The following NBEAL1 variants were observed in gnomAD, a reference collection of about 807,000 sequenced individuals.
The protein encoded by NBEAL1 is neurobeachin like 1.
NBEAL1 carries 273 observed loss-of-function variants against 351.3 expected under a neutral mutation model. The ratio of observed to expected loss-of-function variants is 0.78; its 90% CI spans 0.70 to 0.86. The LOEUF (loss-of-function observed/expected upper bound fraction) is 0.86, where lower values mean the gene tolerates loss of function less well. Among genes scored for constraint, NBEAL1 ranks in the 40% least tolerant of loss-of-function variants. NBEAL1 has a pLI of 0.00. For synonymous variants in NBEAL1, 1,050 were observed against 1,086.4 expected (o/e 0.97, Z 0.66); for missense variants, 2,961 against 3,201.3 (o/e 0.92, Z 1.81).
At chr2:203,057,555 T>C (rs2061424151) in intron 6 of NBEAL1, 102 bp downstream of exon 6, 1 of 912,934 alleles carries the variant, frequency 1.1e-6, no homozygotes, top group South Asian at 1.9e-5. Context: ...GAAAGAAGTA[T>C]ATAAGACCCA....
At chr2:203,186,891 T>A (rs918366627) in intron 44 of NBEAL1, among the ~76,000 whole-genome samples, 1 of 152,218 alleles carries the variant, frequency 6.6e-6, no homozygotes, top group African/African-American at 2.4e-5. Flanking sequence ...CTCTTAAGAT[T>A]CCTAGACACT....
At chr2:203,078,690 T>A (rs1404993018) in intron 8 of NBEAL1, among the ~76,000 whole-genome samples, 1 of 152,208 alleles carries the variant, frequency 6.6e-6, no homozygotes, top group African/African-American at 2.4e-5. Context: ...GGATTATAGT[T>A]CAGAAAGTAC....
At chr2:203,130,761 A>G (rs529234317) in intron 25 of NBEAL1, among the ~76,000 whole-genome samples, 1 of 152,292 alleles carries the variant, frequency 6.6e-6, no homozygotes, top group South Asian at 2.1e-4. Context: ...GCAATTCAGA[A>G]CATTTCAACA....
Position 203,116,007 on chromosome 2 carries a change from G to C in NBEAL1, c.2529G>C (p.Trp843Cys). ...CAGGTCCAAATTGTTTAAGCCCTTG[G>C]AAGTGTCAAGAGTCTGACATGGCCG... ...YLAGPNCLSP[W>C]KCQESDMADL... The change falls in exon 18 of 56, where the codon TGG becomes TGC. Residue 843 changes from tryptophan to cysteine, a missense_variant. Physicochemically the swap from Trp to Cys is radical, Grantham distance 215 (BLOSUM62 -2). Coordinates refer to ENST00000683969, the MANE Select transcript of NBEAL1 (RefSeq NM_001378026.1). 1 of 1,553,138 alleles carries C rather than the reference G, an allele frequency of 6.4e-7. No homozygotes were observed. Among genetic ancestry groups the C allele is most frequent in the Non-Finnish European group, 8.7e-7 (1 of 1,147,186 alleles).
chr2:203,061,963 T>C, intron 6 of NBEAL1: 1 of 284,014 alleles, frequency 3.5e-6, no homozygotes, highest in South Asian at 3.1e-5. Flanking sequence ...ATTAAAGGCT[T>C]TCCCACATTG....
chr2:203,193,982 TTTAA>T, intron 47 of NBEAL1, 71 bp downstream of exon 47: 1 of 804,986 alleles, frequency 1.2e-6, no homozygotes, highest in South Asian at 1.8e-5. Context: ...TCTTTTATTA[TTTAA>T]TGGGAAGTAA....
chr2:203,035,399 A>C (rs774238046), intron 2 of NBEAL1, among the ~76,000 whole-genome samples: 2 of 149,466 alleles, frequency 1.3e-5, no homozygotes, highest in African/African-American at 2.4e-5. Context: ...TGACAGTCCA[A>C]AAAGAAAGAT....
At chr2:203,165,486 A>G (rs914921256) in intron 36 of NBEAL1, among the ~76,000 whole-genome samples, 2 of 152,178 alleles carry the variant, frequency 1.3e-5, no homozygotes, top group Non-Finnish European at 2.9e-5. Flanking sequence ...TTTGTGGGTC[A>G]ATTCATGTCT....
At chr2:203,041,396 A>G (rs550927159) in intron 2 of NBEAL1, among the ~76,000 whole-genome samples, 1 of 152,290 alleles carries the variant, frequency 6.6e-6, no homozygotes, top group African/African-American at 2.4e-5. Flanking sequence ...CTGGGAGAAG[A>G]GTGTTCTGGG....
intron 1 of NBEAL1, among the ~76,000 whole-genome samples, chr2:203,015,424 CGCCCT>C (rs1289046734): frequency 1.3e-5 from 2 of 151,772 alleles, no homozygotes; most frequent in Admixed American, 6.6e-5. Flanking sequence ...CCCGCCCCCA[CGCCCT>C]GCCCTGCAAC....
chr2:203,032,721 A>G (rs113150755), intron 2 of NBEAL1, among the ~76,000 whole-genome samples: 4 of 133,840 alleles, frequency 3.0e-5, no homozygotes, highest in African/African-American at 8.5e-5. Flanking sequence ...CTGGAGTGCA[A>G]TGGTGCCATC....
chr2:203,115,929 A>G (rs2062685448), intron 17 of NBEAL1, 56 bp from the exon 18 acceptor site: 1 of 1,173,830 alleles, frequency 8.5e-7, no homozygotes, highest in Non-Finnish European at 1.2e-6. Flanking sequence ...GATAACACAG[A>G]ACCAAGGAGA....
intron 44 of NBEAL1, among the ~76,000 whole-genome samples, chr2:203,186,030 C>A (rs2064888235): frequency 6.6e-6 from 1 of 152,212 alleles, no homozygotes; most frequent in East Asian, 1.9e-4. Flanking sequence ...TCCCCCACAA[C>A]TCTTATCTCA....
chr2:203,040,295 A>T, intron 2 of NBEAL1: 1 of 770,438 alleles, frequency 1.3e-6, no homozygotes, highest in South Asian at 1.4e-5. Context: ...TGGAGGCAGA[A>T]ATGTGACAAG....
chr2:203,173,734 T>A (rs1332517442), intron 41 of NBEAL1, among the ~76,000 whole-genome samples: 3 of 152,136 alleles, frequency 2.0e-5, no homozygotes, highest in Non-Finnish European at 4.4e-5. Flanking sequence ...GAAACACTCA[T>A]ATAAATAACT....
intron 17 of NBEAL1, among the ~76,000 whole-genome samples, chr2:203,115,406 G>A (rs1413889487): frequency 3.3e-5 from 5 of 152,056 alleles, no homozygotes; most frequent in Admixed American, 2.0e-4. Flanking sequence ...TTACAGGTGT[G>A]AGCCACCATG....
intron 7 of NBEAL1, among the ~76,000 whole-genome samples, chr2:203,072,521 A>G (rs957821266): frequency 1.3e-5 from 2 of 151,908 alleles, no homozygotes; most frequent in Admixed American, 1.3e-4. Flanking sequence ...CTCACATTTT[A>G]ACTATAAGCA....
At chr2:203,158,815 G>GTTTTTTTT (rs71034220) in intron 36 of NBEAL1, among the ~76,000 whole-genome samples, 5 of 84,372 alleles carry the variant, frequency 5.9e-5, no homozygotes, top group Admixed American at 1.8e-4. Context: ...TTTCTGTAGG[G>GTTTTTTTT]TTTTTTTTTT....
intron 2 of NBEAL1, among the ~76,000 whole-genome samples, chr2:203,024,230 A>C (rs2060817732): frequency 6.6e-6 from 1 of 151,568 alleles, no homozygotes; most frequent in Non-Finnish European, 1.5e-5. Context: ...AGAAAAAAGT[A>C]GTCAGGGGTG....
Sources: allele counts gnomAD v4.1 joint callset (sites outside exome capture counted in the v4.1 genomes callset), GRCh38; gene constraint gnomAD v4.1.1; transcripts MANE v1.5; gene names NCBI Gene and HGNC (gene_info 2026-07-23, HGNC 2026-07-21).